Variants in EXOC6B observed in about 807,000 individuals in gnomAD.
The protein encoded by EXOC6B is exocyst complex component 6B, also known as SEC15 homolog B.
In EXOC6B, 54 loss-of-function variants were observed where a neutral mutation model predicts 113.5. The observed-to-expected ratio is 0.48, with a 90% CI of 0.38 to 0.60. The LOEUF is 0.60. Ranked by LOEUF, EXOC6B falls within the 20% of genes least tolerant of loss-of-function variation. The pLI, the probability that EXOC6B is intolerant of heterozygous loss-of-function variation, is 0.00. For missense variants in EXOC6B, 797 were observed against 977.5 expected, an observed-to-expected ratio of 0.82 and a Z score of 2.46; for synonymous variants, 357 against 339.0, an observed-to-expected ratio of 1.05 and a Z score of -0.58.
intron 20 of EXOC6B, among the ~76,000 whole-genome samples, chr2:72,224,851 T>C (rs1433459971): frequency 6.6e-6 from 1 of 150,698 alleles, no homozygotes; most frequent in Non-Finnish European, 1.5e-5. Flanking sequence ...TGTGTGTATA[T>C]ATATATATGT....
intron 20 of EXOC6B, among the ~76,000 whole-genome samples, chr2:72,236,719 T>C (rs1038391468): frequency 1.3e-5 from 2 of 152,116 alleles, no homozygotes; most frequent in African/African-American, 2.4e-5. Flanking sequence ...CTGGCAACTT[T>C]TGATTTAATT....
chr2:72,298,972 T>C (rs1686326616), intron 20 of EXOC6B, among the ~76,000 whole-genome samples: 1 of 152,134 alleles, frequency 6.6e-6, no homozygotes, highest in Non-Finnish European at 1.5e-5. Context: ...TTGGGGTTGC[T>C]CTTCTCCAGG....
Position 72,182,590 on chromosome 2 carries a change from A to G in EXOC6B, c.2309+1485T>C, listed in dbSNP as rs567658003. On this transcript the variant is annotated intron_variant, in intron 21 of 21. Transcript: ENST00000272427. Reference sequence around the variant, plus strand: ...GTCAGGGCTTTATTTCAGGCCCCACACTAGCAAGAGTATTGAGTGTGCCAA... The same window carrying G: ...GTCAGGGCTTTATTTCAGGCCCCACGCTAGCAAGAGTATTGAGTGTGCCAA... 8.7e-4 allele frequency among the ~76,000 whole-genome samples: 132 copies of G among 152,180 alleles called. 1 individual carries two copies. The highest frequency in any genetic ancestry group is 2.0e-3 in the Admixed American group (31 of 15,294).
In EXOC6B at chr2:72,512,314, C is replaced by CGGAAGGAAGGAAGGAAGGAAGGAA. The variant is rs745543998; in HGVS notation, c.1167+794_1167+817dup. Among the ~76,000 whole-genome samples, 9 of 107,552 alleles carry CGGAAGGAAGGAAGGAAGGAAGGAA rather than the reference C, an allele frequency of 8.4e-5. 1 individual carries two copies. Among genetic ancestry groups the CGGAAGGAAGGAAGGAAGGAAGGAA allele is most frequent in the African/African-American group, 3.4e-4 (9 of 26,130 alleles). The allele number at this position is 107,552 out of a possible 152,430, so 70.6% of individuals were successfully genotyped here. The stretch of plus-strand genomic sequence containing the variant: ...AAGCATAATCAATCTTTAAGAAACA[C>CGGAAGGAAGGAAGGAAGGAAGGAA]GGAAGGAAGGAAGGAAGGAAGGAAG... On this transcript the variant is annotated intron_variant, in intron 11 of 21. Transcript: ENST00000272427.
intron 1 of EXOC6B, among the ~76,000 whole-genome samples, chr2:72,748,051 A>G (rs1681812981): frequency 6.6e-6 from 1 of 152,054 alleles, no homozygotes; most frequent in Non-Finnish European, 1.5e-5. Context: ...GTAGGAGACT[A>G]ACTGATGAGG....
At chr2:72,445,248 T>C (rs1485864289) in intron 18 of EXOC6B, among the ~76,000 whole-genome samples, 2 of 152,216 alleles carry the variant, frequency 1.3e-5, no homozygotes, top group Non-Finnish European at 2.9e-5. Context: ...CATCTCCATT[T>C]GAGACCACCT....
Position 72,480,768 on chromosome 2 carries a change from C to T in EXOC6B, c.1666-18G>A, listed in dbSNP as rs376661903. The T allele has an allele frequency of 1.0e-5, 16 of 1,592,896 alleles. No individual in the cohort carries two copies. In the African/African-American group the frequency reaches 1.6e-4, roughly 16 times the overall value. ...TGAACAAGCTAGAAAACAACAAACA[C>T]ATGTAAAAGTCATTTAACTACTCAC... On this transcript the variant is annotated intron_variant, in intron 16 of 21. Coordinates refer to ENST00000272427, the MANE Select transcript of EXOC6B (RefSeq NM_015189.3).
intron 18 of EXOC6B, among the ~76,000 whole-genome samples, chr2:72,445,029 C>T (rs1004571014): frequency 6.6e-6 from 1 of 152,150 alleles, no homozygotes; most frequent in Non-Finnish European, 1.5e-5. Context: ...AACTTTCATG[C>T]TCTGTATCCC....
chr2:72,283,625 A>C (rs1685258179), intron 20 of EXOC6B, among the ~76,000 whole-genome samples: 2 of 152,220 alleles, frequency 1.3e-5, no homozygotes, highest in South Asian at 4.1e-4. Flanking sequence ...AGATTCTCAC[A>C]GTAAATATCA....
chr2:72,300,932 A>G (rs1686479349), intron 20 of EXOC6B, among the ~76,000 whole-genome samples: 1 of 152,206 alleles, frequency 6.6e-6, no homozygotes, highest in Non-Finnish European at 1.5e-5. Context: ...TGCCTTCTGC[A>G]TCAATCTCGC....
At chr2:72,718,020 C>CT in intron 6 of EXOC6B, 83 bp downstream of exon 6, 3 of 978,294 alleles carry the variant, frequency 3.1e-6, no homozygotes, top group Non-Finnish European at 4.5e-6. Context: ...AAGATAATGA[C>CT]TAGACACTTG....
chr2:72,476,557 T>A (rs985059673), intron 17 of EXOC6B, among the ~76,000 whole-genome samples: 1 of 152,194 alleles, frequency 6.6e-6, no homozygotes, highest in Admixed American at 6.5e-5. Context: ...GGAATTCAAT[T>A]CCTCTCATTC....
At chr2:72,817,731 A>C (rs1343026533) in intron 1 of EXOC6B, among the ~76,000 whole-genome samples, 1 of 152,256 alleles carries the variant, frequency 6.6e-6, no homozygotes, top group Non-Finnish European at 1.5e-5. Flanking sequence ...TTAGGCCAAG[A>C]GCCTTGGAAT....
At chr2:72,454,584 T>C (rs1045360689) in intron 18 of EXOC6B, among the ~76,000 whole-genome samples, 1 of 152,142 alleles carries the variant, frequency 6.6e-6, no homozygotes, top group Non-Finnish European at 1.5e-5. Flanking sequence ...AATTTTGCAG[T>C]ATGTTAAATT....
intron 20 of EXOC6B, 128 bp from the exon 21 acceptor site, chr2:72,184,315 A>T: frequency 1.8e-6 from 1 of 559,204 alleles, no homozygotes; most frequent in East Asian, 2.9e-5. Flanking sequence ...ATATAATAAG[A>T]AAAAGAACAG....
intron 20 of EXOC6B, among the ~76,000 whole-genome samples, chr2:72,319,998 G>A (rs1472923936): frequency 6.6e-6 from 1 of 151,780 alleles, no homozygotes; most frequent in Non-Finnish European, 1.5e-5. Flanking sequence ...CACCACAACC[G>A]GCTAATTTTT....
Position 72,783,611 on chromosome 2 carries a change from C to G in EXOC6B, c.114-42142G>C, listed in dbSNP as rs147804807. Among the ~76,000 whole-genome samples the G allele has an allele frequency of 5.7e-3, 870 of 151,972 alleles. 7 individuals carry two copies. Among genetic ancestry groups the G allele is most frequent in the African/African-American group, 0.02 (842 of 41,454 alleles). On this transcript the variant is annotated intron_variant, in intron 1 of 21. Transcript: ENST00000272427. ...TGCTGAGATTACAGGAGTGAGCCAC[C>G]ACACCCAGCCCCTGTTGGTCATTTC...
intron 6 of EXOC6B, among the ~76,000 whole-genome samples, chr2:72,665,309 C>A (rs1466120647): frequency 1.3e-5 from 2 of 152,164 alleles, no homozygotes; most frequent in African/African-American, 4.8e-5. Flanking sequence ...AATTCCCCAA[C>A]TCACTCAAGA....
intron 20 of EXOC6B, among the ~76,000 whole-genome samples, chr2:72,192,831 T>A (rs1387521796): frequency 1.3e-5 from 2 of 152,166 alleles, no homozygotes; most frequent in African/African-American, 4.8e-5. Flanking sequence ...AAAACCTGAA[T>A]TTGCACTTTA....
Sources: allele counts gnomAD v4.1 joint callset (sites outside exome capture counted in the v4.1 genomes callset), GRCh38; gene constraint gnomAD v4.1.1; transcripts MANE v1.5; gene names NCBI Gene and HGNC (gene_info 2026-07-23, HGNC 2026-07-21).